Variants in EARS2 observed in about 807,000 individuals in gnomAD.
The protein encoded by EARS2 is nondiscriminating glutamyl-tRNA synthetase EARS2, mitochondrial.
In EARS2, 50 loss-of-function variants were observed where a neutral mutation model predicts 54.1. The observed-to-expected ratio is 0.92, with a 90% CI of 0.74 to 1.17. The LOEUF is 1.17. EARS2 is among the 50% of genes most tolerant of loss of function. EARS2 has a pLI of 0.00. For synonymous variants in EARS2, 298 were observed against 281.0 expected (o/e 1.06, Z -0.61); for missense variants, 673 against 675.0 (o/e 1.00, Z 0.03).
In EARS2 at chr16:23,534,999, T is replaced by G. The variant is rs1965389946; in HGVS notation, c.847A>C (p.Ser283Arg). 1.2e-6 allele frequency: 2 copies of G among 1,612,772 alleles called. No individual in the cohort carries two copies. The highest frequency in any genetic ancestry group is 2.7e-5 in the African/African-American group (2 of 74,914). ...TCCCCTTGCCTCTTGGAGAGCTTGC[T>G]GCCATCCCTGTTGAGGAGCAGGGGC... ...HLPLLLNRDG[S>R]KLSKRQGDVF... is the part of the protein sequence containing the mutation. Residue 283 changes from serine (S) to arginine (R), a missense_variant, in exon 4 of 9, where the codon AGC (serine) becomes CGC (arginine). Around this residue, in one of 3 missense-constraint regions of EARS2, gnomAD observed 338 missense variants for 361.2 expected, o/e 0.94. Coordinates refer to ENST00000449606, the MANE Select transcript of EARS2 (RefSeq NM_001083614.2).
chr16:23,553,663 G>A (rs1459117797), intron 1 of EARS2, among the ~76,000 whole-genome samples: 4 of 151,912 alleles, frequency 2.6e-5, no homozygotes, highest in Non-Finnish European at 2.9e-5. Context: ...AGGCCGAGGC[G>A]GGTGGATCAC....
intron 2 of EARS2, among the ~76,000 whole-genome samples, chr16:23,551,132 GAGGAT>G (rs1965688272): frequency 6.6e-6 from 1 of 152,210 alleles, no homozygotes; most frequent in African/African-American, 2.4e-5. Context: ...TTGCAACTCA[GAGGAT>G]TGGACAAGCT....
Position 23,521,599 on chromosome 16 carries a change from A to G in EARS2, c.*2772T>C, listed in dbSNP as rs1965143160. 6.6e-6 allele frequency among the ~76,000 whole-genome samples: 1 copy of G among 152,012 alleles called. No individual in the cohort carries two copies. Among genetic ancestry groups the G allele is most frequent in the Non-Finnish European group, 1.5e-5 (1 of 67,992 alleles). On this transcript the variant is annotated 3_prime_UTR_variant, in exon 9 of 9. Coordinates refer to ENST00000449606, the MANE Select transcript of EARS2 (RefSeq NM_001083614.2). ...TTTTTTGTAGAGACAGGATCTCACT[A>G]TGTTGCCCAGGCTGGTCTCCAAACT...
chr16:23,551,168 G>A (rs1029380522), intron 2 of EARS2, among the ~76,000 whole-genome samples: 2 of 152,172 alleles, frequency 1.3e-5, no homozygotes, highest in Non-Finnish European at 2.9e-5. Flanking sequence ...TCCCGCATGG[G>A]CACAAGGAGC....
At chr16:23,554,086 T>C (rs116513425) in intron 1 of EARS2, among the ~76,000 whole-genome samples, 1,656 of 152,202 alleles carry the variant, frequency 0.011, 25 homozygotes, top group African/African-American at 0.037. Context: ...CACGGCTCAC[T>C]GCAGCCTCAA....
intron 4 of EARS2, among the ~76,000 whole-genome samples, chr16:23,533,209 G>C (rs142897877): frequency 2.7e-4 from 41 of 152,304 alleles, no homozygotes; most frequent in African/African-American, 7.7e-4. Context: ...ACTTGAACCT[G>C]AGAGGCGGAG....
At chr16:23,554,811 C>T (rs941093850) in intron 1 of EARS2, among the ~76,000 whole-genome samples, 1 of 152,182 alleles carries the variant, frequency 6.6e-6, no homozygotes, top group African/African-American at 2.4e-5. Flanking sequence ...CTCTACTTAA[C>T]TTTTATGAGC....
In EARS2 at chr16:23,543,388, G is replaced by A. The variant is rs987727888; in HGVS notation, c.485+1126C>T. Reference sequence around the variant, plus strand: ...CATCACACCATTGCACTCCAGCCTGGGTGACAAAGTAAGACCCTGACTCTA... The same window carrying A: ...CATCACACCATTGCACTCCAGCCTGAGTGACAAAGTAAGACCCTGACTCTA... On this transcript the variant is annotated intron_variant, in intron 3 of 8. Transcript: ENST00000449606. Among the ~76,000 whole-genome samples the A allele has an allele frequency of 3.2e-4, 48 of 151,496 alleles. 1 individual carries two copies. The highest frequency in any genetic ancestry group is 5.6e-4 in the Non-Finnish European group (38 of 67,912).
Position 23,531,606 on chromosome 16 carries a change from C to T in EARS2, c.1067+1051G>A, listed in dbSNP as rs559049063. On this transcript the variant is annotated intron_variant, in intron 5 of 8. Coordinates refer to ENST00000449606, the MANE Select transcript of EARS2 (RefSeq NM_001083614.2). ...CTCTCTATGTCCTGGGTTCCTCATA[C>T]GTGAAACAGGGCAAAATCATACAAC... Among the ~76,000 whole-genome samples the T allele has an allele frequency of 4.2e-4, 64 of 152,264 alleles. 1 individual carries two copies. Among genetic ancestry groups the T allele is most frequent in the African/African-American group, 1.3e-3 (55 of 41,566 alleles).
At chr16:23,527,550 C>CT (rs33925429) in intron 7 of EARS2, among the ~76,000 whole-genome samples, 1,663 of 84,502 alleles carry the variant, frequency 0.02, 40 homozygotes, top group South Asian at 0.024. Flanking sequence ...AGTGATCGTT[C>CT]TTTTTTTTTT....
At chr16:23,542,261 C>A (rs1965525747) in intron 3 of EARS2, among the ~76,000 whole-genome samples, 1 of 150,200 alleles carries the variant, frequency 6.7e-6, no homozygotes, top group Non-Finnish European at 1.5e-5. Flanking sequence ...TCCCAAAGTG[C>A]TGGAATTACA....
intron 4 of EARS2, among the ~76,000 whole-genome samples, chr16:23,533,072 G>A (rs1965353552): frequency 6.6e-6 from 1 of 152,154 alleles, no homozygotes; most frequent in South Asian, 2.1e-4. Flanking sequence ...AGATCATGAG[G>A]TCAGGAGTTC....
At chr16:23,532,213 G>A (rs781234043) in intron 5 of EARS2, among the ~76,000 whole-genome samples, 1 of 152,166 alleles carries the variant, frequency 6.6e-6, no homozygotes, top group Admixed American at 6.5e-5. Context: ...TCAAATACAT[G>A]AAATATAAAG....
chr16:23,545,795 C>T (rs1965594281), intron 2 of EARS2, among the ~76,000 whole-genome samples: 2 of 152,174 alleles, frequency 1.3e-5, no homozygotes, highest in Admixed American at 1.3e-4. Flanking sequence ...TCCCGAGTAG[C>T]TAGAACTACA....
rs1965183256 is a variant in EARS2 at position 23,524,033 on chromosome 16, C to T, written c.*338G>A. ...TTCTGTGGCATTTTGTTATGGGGGCCCTAGCAAACTGAAACCCAAGCCTTC... is the reference window on the plus strand; with the variant it reads ...TTCTGTGGCATTTTGTTATGGGGGCTCTAGCAAACTGAAACCCAAGCCTTC... On this transcript the variant is annotated 3_prime_UTR_variant, in exon 9 of 9. Coordinates refer to ENST00000449606, the MANE Select transcript of EARS2 (RefSeq NM_001083614.2). The T allele has an allele frequency of 4.3e-6, 1 of 233,092 alleles. No individual in the cohort carries two copies. Among genetic ancestry groups the T allele is most frequent in the South Asian group, 1.2e-4 (1 of 8,482 alleles). The allele number at this position is 233,092 out of a possible 1,614,324, so 14.4% of individuals were successfully genotyped here.
Position 23,521,761 on chromosome 16 carries a change from T to C in EARS2, c.*2610A>G. 2.2e-6 allele frequency: 1 copy of C among 449,622 alleles called. No individual in the cohort carries two copies. The highest frequency in any genetic ancestry group is 4.4e-6 in the Non-Finnish European group (1 of 225,312). The allele number at this position is 449,622 out of a possible 1,614,324, so 27.9% of individuals were successfully genotyped here. A position where few individuals can be genotyped will look rare whatever the true frequency, so the allele number is the denominator to read the frequency against. ...TAGATATACCAGAATCGACTTAGTATTTTGACCACTCACTTTGTTAAAAAC... is the reference window on the plus strand; with the variant it reads ...TAGATATACCAGAATCGACTTAGTACTTTGACCACTCACTTTGTTAAAAAC... On this transcript the variant is annotated 3_prime_UTR_variant, in exon 9 of 9. Transcript: ENST00000449606.
At chr16:23,544,483 T>G (rs913786794) in intron 3 of EARS2, 31 bp downstream of exon 3, 1 of 1,600,496 alleles carries the variant, frequency 6.2e-7, no homozygotes, top group Admixed American at 1.7e-5. Flanking sequence ...CCAATGTTGA[T>G]GAGGCATCTG....
chr16:23,524,221 A>G lies in EARS2; in HGVS notation c.*150T>C. ...AAAAACGTGCCTGTGGTGGATCACA[A>G]ATGCACTTGTGTGCAGTCAGAGATT... On this transcript the variant is annotated 3_prime_UTR_variant, in exon 9 of 9. Transcript: ENST00000449606. 1 of 723,046 alleles carries G rather than the reference A, an allele frequency of 1.4e-6. No individual in the cohort carries two copies. The highest frequency in any genetic ancestry group is 2.4e-6 in the Non-Finnish European group (1 of 410,324). 44.8% of individuals were successfully genotyped at this position (723,046 alleles called of 1,614,324 possible). A position where few individuals can be genotyped will look rare whatever the true frequency, so the allele number is the denominator to read the frequency against.
chr16:23,525,014 CAG>C, intron 8 of EARS2: 1 of 614,334 alleles, frequency 1.6e-6, no homozygotes, highest in East Asian at 2.8e-5. Context: ...CCCATGGAGG[CAG>C]AGATTATGTA....
Sources: gnomAD v4.1 joint callset for allele counts (sites outside exome capture counted in the v4.1 genomes callset) on GRCh38, gnomAD v4.1.1 for gene constraint, gnomAD v4.1.1 regional missense constraint, MANE v1.5 for transcripts, NCBI Gene and HGNC (gene_info 2026-07-23, HGNC 2026-07-21) for gene names.